The following RBFOX1 variants were observed in gnomAD, a reference collection of about 807,000 sequenced individuals.
RBFOX1 encodes RNA binding protein fox-1 homolog 1.
In RBFOX1, 8 loss-of-function variants were observed where a neutral mutation model predicts 57.7. The observed-to-expected ratio is 0.14, with a 90% CI of 0.08 to 0.25. The LOEUF is 0.25. RBFOX1 is among the 10% of genes least tolerant of loss of function. The probability of loss-of-function intolerance (pLI) is 1.00; values close to 1 mark genes in which losing one functional copy is unlikely to be tolerated. For synonymous variants in RBFOX1, 326 were observed against 222.4 expected, an observed-to-expected ratio of 1.47 and a Z score of -4.15; for missense variants, 611 against 548.5, an observed-to-expected ratio of 1.11 and a Z score of -1.14.
At chr16:6,810,698 C>A (rs547894454) in intron 3 of RBFOX1, among the ~76,000 whole-genome samples, 1 of 152,074 alleles carries the variant, frequency 6.6e-6, no homozygotes, top group Non-Finnish European at 1.5e-5. Flanking sequence ...CGTACAATCA[C>A]GGTGGAAGGC....
chr16:6,923,857 C>A (rs1021102293), intron 3 of RBFOX1, among the ~76,000 whole-genome samples: 1 of 151,992 alleles, frequency 6.6e-6, no homozygotes, highest in Non-Finnish European at 1.5e-5. Context: ...GTGTATTAGT[C>A]CATGCTGCAT....
intron 4 of RBFOX1, among the ~76,000 whole-genome samples, chr16:7,053,569 A>G (rs1006354866): frequency 6.6e-6 from 1 of 152,196 alleles, no homozygotes; most frequent in African/African-American, 2.4e-5. Flanking sequence ...TTAAGATAAT[A>G]TTGAAATCTC....
At chr16:5,554,996 A>G (rs2045614853) in intron 2 of RBFOX1, among the ~76,000 whole-genome samples, 1 of 152,140 alleles carries the variant, frequency 6.6e-6, no homozygotes, top group South Asian at 2.1e-4. Context: ...GTGGATGTTT[A>G]TGGTCACAGA....
intron 1 of RBFOX1, among the ~76,000 whole-genome samples, chr16:6,021,484 G>A (rs1467480051): frequency 6.6e-6 from 1 of 152,230 alleles, no homozygotes; most frequent in African/African-American, 2.4e-5. Context: ...CCTGGGGCCT[G>A]TGAAGGGTAA....
chr16:7,070,050 T>C (rs1397178534), intron 4 of RBFOX1, among the ~76,000 whole-genome samples: 2 of 152,226 alleles, frequency 1.3e-5, no homozygotes, highest in Admixed American at 1.3e-4. Flanking sequence ...CCTCCTCTTT[T>C]TCCTCTCTTG....
intron 4 of RBFOX1, among the ~76,000 whole-genome samples, chr16:7,478,970 CCT>C (rs768799946): frequency 1.3e-5 from 2 of 152,022 alleles, no homozygotes; most frequent in Non-Finnish European, 2.9e-5. Context: ...ACGGTATTAG[CCT>C]CTCTGCAGAT....
chr16:7,623,057 C>T (rs1213038036), intron 10 of RBFOX1, among the ~76,000 whole-genome samples: 1 of 152,174 alleles, frequency 6.6e-6, no homozygotes, highest in Non-Finnish European at 1.5e-5. Flanking sequence ...TTATGGCAAC[C>T]TCTTTGGCTT....
intron 2 of RBFOX1, among the ~76,000 whole-genome samples, chr16:6,629,593 G>T (rs76341043): frequency 0.011 from 1,604 of 152,238 alleles, 41 homozygotes; most frequent in African/African-American, 0.036. Flanking sequence ...GTTAGGGTGG[G>T]TGTCTGGCTG....
chr16:5,371,948 T>A (rs2065868114), intron 1 of RBFOX1, among the ~76,000 whole-genome samples: 1 of 152,172 alleles, frequency 6.6e-6, no homozygotes, highest in Admixed American at 6.5e-5. Context: ...GCAGTGAGGC[T>A]TTTTTTCATG....
intron 4 of RBFOX1, among the ~76,000 whole-genome samples, chr16:7,089,284 A>C (rs957026170): frequency 6.6e-6 from 1 of 152,210 alleles, no homozygotes; most frequent in East Asian, 1.9e-4. Context: ...CACTAGTTAA[A>C]ACTGCATGAA....
chr16:6,763,338 A>C (rs76098450), intron 3 of RBFOX1, among the ~76,000 whole-genome samples: 62 of 626 alleles, frequency 0.099, no homozygotes, highest in African/African-American at 0.1. Context: ...AGACACTTGT[A>C]AGCCCATCAC....
intron 3 of RBFOX1, among the ~76,000 whole-genome samples, chr16:5,832,253 C>G (rs547358921): frequency 5.3e-5 from 8 of 152,332 alleles, no homozygotes; most frequent in African/African-American, 1.9e-4. Flanking sequence ...CCTCCTGAAA[C>G]AGGAGTAAGG....
rs189116246 is a variant in RBFOX1 at position 6,470,520 on chromosome 16, C to A, written c.-64+153463C>A. On this transcript the variant is annotated intron_variant, in intron 2 of 15. Coordinates refer to ENST00000550418, the MANE Select transcript of RBFOX1 (RefSeq NM_018723.4). ...CAGTCTTTCTATTCTTCCAAGATGA[C>A]CTTCAGCTCTCTATGTGCATGAATT... Among the ~76,000 whole-genome samples the A allele has an allele frequency of 6.6e-5, 10 of 152,276 alleles. No individual in the cohort carries two copies. The East Asian group carries it at 1.5e-3, about 24-fold the overall frequency.
intron 2 of RBFOX1, among the ~76,000 whole-genome samples, chr16:6,478,400 TATATATATATATATATATATATATATATA>T (rs1567367932): frequency 2.2e-4 from 3 of 13,854 alleles, no homozygotes; most frequent in South Asian, 4.5e-3. Flanking sequence ...TATATATATA[TATATATATATATATATATATATATATATA>T]TTTTTTTTTT....
chr16:5,994,366 T>G (rs1024067536), intron 4 of RBFOX1, among the ~76,000 whole-genome samples: 2 of 152,210 alleles, frequency 1.3e-5, no homozygotes, highest in African/African-American at 4.8e-5. Context: ...TTCGCCATAT[T>G]GGCCAGGCTG....
At chr16:5,241,173 C>G (rs1438439697) in intron 1 of RBFOX1, among the ~76,000 whole-genome samples, 1 of 152,206 alleles carries the variant, frequency 6.6e-6, no homozygotes, top group Non-Finnish European at 1.5e-5. Context: ...CCTGCCCAGT[C>G]TTGGGGTTGC....
At chr16:6,836,978 G>T in intron 3 of RBFOX1, among the ~76,000 whole-genome samples, 1 of 152,104 alleles carries the variant, frequency 6.6e-6, no homozygotes, top group South Asian at 2.1e-4. Flanking sequence ...ATGGGTGGAT[G>T]GATGAATGAC....
chr16:6,656,198 G>A (rs1391917367), intron 3 of RBFOX1, among the ~76,000 whole-genome samples: 3 of 152,118 alleles, frequency 2.0e-5, no homozygotes, highest in South Asian at 4.1e-4. Flanking sequence ...GAATCATTCC[G>A]CTCATGTCAG....
intron 2 of RBFOX1, among the ~76,000 whole-genome samples, chr16:6,569,290 A>C (rs528077293): frequency 6.6e-6 from 1 of 152,290 alleles, no homozygotes; most frequent in African/African-American, 2.4e-5. Flanking sequence ...CTTTTTGTTG[A>C]ATGAGTTTTC....
Sources: allele counts gnomAD v4.1 joint callset (sites outside exome capture counted in the v4.1 genomes callset), GRCh38; gene constraint gnomAD v4.1.1; transcripts MANE v1.5; gene names NCBI Gene and HGNC (gene_info 2026-07-23, HGNC 2026-07-21).